CPLX2: variants seen among roughly 807,000 people sequenced by gnomAD.
The protein encoded by CPLX2 is complexin 2, also known as complexin-2.
A neutral mutation model predicts 16.3 loss-of-function variants in CPLX2; 5 were observed. The observed-to-expected ratio is 0.31, with a 90% CI of 0.16 to 0.64. CPLX2 has a LOEUF of 0.64. Among genes scored for constraint, CPLX2 ranks in the 30% least tolerant of loss-of-function variants. The probability of loss-of-function intolerance (pLI) is 0.79; values close to 1 mark genes in which losing one functional copy is unlikely to be tolerated. For missense variants in CPLX2, 144 were observed against 181.4 expected, an observed-to-expected ratio of 0.79 and a Z score of 1.18; for synonymous variants, 89 against 73.2, an observed-to-expected ratio of 1.22 and a Z score of -1.10.
At chr5:175,858,861 G>C (rs1759309093) in intron 2 of CPLX2, among the ~76,000 whole-genome samples, 1 of 152,216 alleles carries the variant, frequency 6.6e-6, no homozygotes, top group Admixed American at 6.5e-5. Flanking sequence ...GTCTATGTGG[G>C]GCAGCCTCCT....
Position 175,804,253 on chromosome 5 carries a change from C to A in CPLX2, c.-168-4736C>A, listed in dbSNP as rs1311100232. ...CTTAACTGCAGGGACACTGCCTGGG[C>A]CAAGCACTGTTCCCACTAGGAGCCA... is the stretch of plus-strand genomic sequence containing the variant. On this transcript the variant is annotated intron_variant, in intron 1 of 4. Coordinates refer to the CPLX2 transcript ENST00000359546. Among the ~76,000 whole-genome samples, 4 of 152,142 alleles carry A rather than the reference C, an allele frequency of 2.6e-5. No individual in the cohort carries two copies. In the South Asian group the frequency reaches 6.2e-4, roughly 24 times the overall value.
chr5:175,874,308 G>T lies in CPLX2; in HGVS notation c.-89+2603G>T, dbSNP rs1001557300. On this transcript the variant is annotated intron_variant, in intron 1 of 3. Coordinates refer to ENST00000393745, the MANE Select transcript of CPLX2 (RefSeq NM_001008220.2). Reference sequence around the variant, plus strand: ...GCAGCATTGCAAAGCTACAGCGTCTGGACTTCTCCCTGGAATTCTCCCTCG... The same window carrying T: ...GCAGCATTGCAAAGCTACAGCGTCTTGACTTCTCCCTGGAATTCTCCCTCG... Among the ~76,000 whole-genome samples the T allele has an allele frequency of 4.6e-5, 7 of 152,224 alleles. 1 individual carries two copies. Among genetic ancestry groups the T allele is most frequent in the Middle Eastern group, 6.8e-3 (2 of 294 alleles).
At chr5:175,869,613 G>A (rs530553253), upstream of CPLX2, among the ~76,000 whole-genome samples, 6 of 152,282 alleles carry the variant, frequency 3.9e-5, no homozygotes, top group South Asian at 2.1e-4. Flanking sequence ...GTTACTAAGC[G>A]GGGGAATTAT....
In CPLX2 at chr5:175,845,249, T is replaced by A. The variant is rs974806359; in HGVS notation, c.-88-33403T>A. Among the ~76,000 whole-genome samples, 1 of 152,204 alleles carries A rather than the reference T, an allele frequency of 6.6e-6. No homozygotes were observed. Among genetic ancestry groups the A allele is most frequent in the Non-Finnish European group, 1.5e-5 (1 of 68,034 alleles). Reference sequence around the variant, plus strand: ...GGAATCACACATGTCCCTCCTGTACTTACAACCCTACAAGGATCCACTATT... The same window carrying A: ...GGAATCACACATGTCCCTCCTGTACATACAACCCTACAAGGATCCACTATT... On this transcript the variant is annotated intron_variant, in intron 2 of 4. Coordinates refer to the CPLX2 transcript ENST00000359546. This position sits in a 1 kb window ranked among gnomAD's most constrained non-coding sequence, Gnocchi z 4.0.
intron 3 of CPLX2, 142 bp from the exon 4 acceptor site, chr5:175,879,706 C>T (rs775048024): frequency 1.3e-6 from 1 of 781,856 alleles, no homozygotes; most frequent in Admixed American, 2.0e-5. Flanking sequence ...GGGAAGACAC[C>T]CTTATCCCCA....
chr5:175,811,986 C>T (rs1473612830), intron 2 of CPLX2, among the ~76,000 whole-genome samples: 2 of 152,210 alleles, frequency 1.3e-5, no homozygotes, highest in African/African-American at 2.4e-5. Flanking sequence ...GTCAACTAGA[C>T]TCAGCAATGA....
chr5:175,842,285 G>A (rs1356744236), intron 2 of CPLX2, among the ~76,000 whole-genome samples: 4 of 152,238 alleles, frequency 2.6e-5, no homozygotes, highest in Admixed American at 1.3e-4. Context: ...CACTTACTGA[G>A]CACCTACTGT....
At chr5:175,852,805 CA>C (rs1258655600) in intron 2 of CPLX2, among the ~76,000 whole-genome samples, 5 of 152,120 alleles carry the variant, frequency 3.3e-5, no homozygotes, top group African/African-American at 1.2e-4. Flanking sequence ...GCAGGGCGGG[CA>C]GGTGAAGGTG....
Position 175,878,952 on chromosome 5 carries a change from A to G in CPLX2, c.76A>G (p.Lys26Glu), listed in dbSNP as rs920636396. ...GAAGATGCTGGGGGGAGAGGAGGAG[A>G]AGGACCCCGACGCGCAGAAAAAGGA... ...MGKMLGGEEE[K>E]DPDAQKKEEE... Residue 26 changes from lysine (K) to glutamate (E), a missense_variant, in exon 3 of 4, where the codon AAG (lysine) becomes GAG (glutamate). Coordinates refer to ENST00000393745, the MANE Select transcript of CPLX2 (RefSeq NM_001008220.2). 6.2e-7 allele frequency: 1 copy of G among 1,611,546 alleles called. No homozygotes were observed.
intron 1 of CPLX2, among the ~76,000 whole-genome samples, chr5:175,804,105 A>T (rs943995812): frequency 6.6e-6 from 1 of 152,344 alleles, no homozygotes; most frequent in East Asian, 1.9e-4. Flanking sequence ...ATGCAAAAAA[A>T]CCGTGATGAA....
Position 175,849,572 on chromosome 5 carries a change from C to T in CPLX2, c.-88-29080C>T, listed in dbSNP as rs536458794. ...CTCCCTGCACAAGGGGGTGCTACCA[C>T]GCTGGACAGGGGACCACACTGGCTG... On this transcript the variant is annotated intron_variant, in intron 2 of 4. Coordinates refer to the CPLX2 transcript ENST00000359546. The surrounding 1 kb of genome is among the most constrained non-coding windows in gnomAD (Gnocchi z 4.4). 2.6e-4 allele frequency among the ~76,000 whole-genome samples: 39 copies of T among 152,308 alleles called. No individual in the cohort carries two copies. The highest frequency in any genetic ancestry group is 2.5e-3 in the South Asian group (12 of 4,822).
chr5:175,875,019 G>C (rs1759725115), intron 1 of CPLX2, among the ~76,000 whole-genome samples: 1 of 152,186 alleles, frequency 6.6e-6, no homozygotes, highest in Non-Finnish European at 1.5e-5. Flanking sequence ...GAGGGATGGA[G>C]GAGGATGACG....
At chr5:175,818,724 C>T (rs1188991438) in intron 2 of CPLX2, among the ~76,000 whole-genome samples, 5 of 119,342 alleles carry the variant, frequency 4.2e-5, no homozygotes, top group African/African-American at 1.3e-4. Flanking sequence ...TGTAGTGATG[C>T]GATCTCGGTT....
chr5:175,815,829 G>A (rs1461777499), intron 2 of CPLX2, among the ~76,000 whole-genome samples: 2 of 152,120 alleles, frequency 1.3e-5, no homozygotes, highest in African/African-American at 2.4e-5. Context: ...ACACAAGTTC[G>A]TTTGTTTTTG....
At chr5:175,847,899 G>A (rs971366209) in intron 2 of CPLX2, among the ~76,000 whole-genome samples, 9 of 152,208 alleles carry the variant, frequency 5.9e-5, no homozygotes, top group Non-Finnish European at 1.0e-4. Context: ...CTCAGCTGCC[G>A]GCGAGTTTTA....
At position 175,881,398 on chromosome 5, in the gene CPLX2, T is replaced by C. The variant is rs1755593967; in HGVS notation, c.*1353T>C. On this transcript the variant is annotated 3_prime_UTR_variant, in exon 4 of 4. Coordinates refer to ENST00000393745, the MANE Select transcript of CPLX2 (RefSeq NM_001008220.2). ...GTGTATTTGGGTTGAAATTGTGTCA[T>C]ATGTGTGTGCTATCCATCTCGTGTT... 1 of 153,446 alleles carries C rather than the reference T, an allele frequency of 6.5e-6. No individual in the cohort carries two copies. The highest frequency in any genetic ancestry group is 1.5e-5 in the Non-Finnish European group (1 of 68,220). 9.5% of individuals were successfully genotyped at this position (153,446 alleles called of 1,614,324 possible). A position where few individuals can be genotyped will look rare whatever the true frequency, so the allele number is the denominator to read the frequency against.
At chr5:175,831,871 G>A (rs1758741454) in intron 2 of CPLX2, among the ~76,000 whole-genome samples, 1 of 152,206 alleles carries the variant, frequency 6.6e-6, no homozygotes, top group South Asian at 2.1e-4. Flanking sequence ...TTGAGTTGGG[G>A]TTTAAGAGAG....
chr5:175,826,731 C>G (rs17065535), intron 2 of CPLX2, among the ~76,000 whole-genome samples: 41,205 of 152,020 alleles, frequency 0.27, 5,857 homozygotes, highest in South Asian at 0.4. Context: ...CTAGGCCAAC[C>G]CAGGTTCCCA....
Position 175,814,504 on chromosome 5 carries a change from A to G in CPLX2, c.-89+5436A>G, listed in dbSNP as rs114364321. 6.3e-3 allele frequency among the ~76,000 whole-genome samples: 956 copies of G among 152,286 alleles called. 5 individuals are homozygous for G. The highest frequency in any genetic ancestry group is 0.011 in the Non-Finnish European group (721 of 68,028). On this transcript the variant is annotated intron_variant, in intron 2 of 4. Transcript: ENST00000359546. The stretch of plus-strand genomic sequence containing the variant: ...ACTTGGATTATCCAGCGGGGGCAGG[A>G]AGGAGCTGAGGGACAGGAAGAGGCA...
Sources: gnomAD v4.1 joint callset for allele counts (sites outside exome capture counted in the v4.1 genomes callset) on GRCh38, gnomAD v4.1.1 for gene constraint, Gnocchi (gnomAD v3.1) non-coding constraint, MANE v1.5 for transcripts, NCBI Gene and HGNC (gene_info 2026-07-23, HGNC 2026-07-21) for gene names.